The following GFOD2 variants were observed in gnomAD, a reference collection of about 807,000 sequenced individuals.
The protein encoded by GFOD2 is glucose-fructose oxidoreductase domain-containing protein 2.
Under a neutral mutation model 24.6 loss-of-function variants are expected in GFOD2, and 9 were observed. The observed-to-expected ratio is 0.37, with a 90% CI of 0.22 to 0.64. GFOD2 has a LOEUF of 0.64. Among genes scored for constraint, GFOD2 ranks in the 30% least tolerant of loss-of-function variants. The pLI is 0.65. For synonymous variants in GFOD2, 211 were observed against 224.8 expected (o/e 0.94, Z 0.55); for missense variants, 476 against 532.5 (o/e 0.89, Z 1.04).
chr16:67,700,515 C>G lies in GFOD2; in HGVS notation c.-87-14713G>C, dbSNP rs990236418. Among the ~76,000 whole-genome samples, 3 of 152,178 alleles carry G rather than the reference C, an allele frequency of 2.0e-5. No individual in the cohort carries two copies. In the South Asian group the frequency reaches 6.2e-4, roughly 32 times the overall value. Reference sequence around the variant, plus strand: ...TCACCTGAGGTCAGGAGTTTGAGACCAGCCTGGCCAACATGGTGAAACCCT... The same window carrying G: ...TCACCTGAGGTCAGGAGTTTGAGACGAGCCTGGCCAACATGGTGAAACCCT... On this transcript the variant is annotated intron_variant, in intron 1 of 2. Transcript: ENST00000268797.
chr16:67,704,563 C>G (rs2053426893), intron 1 of GFOD2, among the ~76,000 whole-genome samples: 1 of 152,170 alleles, frequency 6.6e-6, no homozygotes, highest in Non-Finnish European at 1.5e-5. Flanking sequence ...AAAACCCCCA[C>G]AGCTCACATT....
chr16:67,679,909 C>A (rs902047194), intron 2 of GFOD2, among the ~76,000 whole-genome samples: 23 of 150,942 alleles, frequency 1.5e-4, no homozygotes, highest in African/African-American at 4.9e-4. Context: ...ACAACAACAA[C>A]AACAAAAAAA....
At chr16:67,703,326 C>T (rs2053417114) in intron 1 of GFOD2, among the ~76,000 whole-genome samples, 1 of 152,120 alleles carries the variant, frequency 6.6e-6, no homozygotes, top group South Asian at 2.1e-4. Context: ...TCGCTTGAAC[C>T]CAGGAAGTGG....
At chr16:67,700,073 C>CT (rs1400488132) in intron 1 of GFOD2, among the ~76,000 whole-genome samples, 1 of 150,130 alleles carries the variant, frequency 6.7e-6, no homozygotes, top group African/African-American at 2.4e-5. Context: ...ATGACCCTGC[C>CT]TCAAAAAAAT....
chr16:67,709,062 G>C lies in GFOD2; in HGVS notation c.-88+10101C>G, dbSNP rs1041546922. On this transcript the variant is annotated intron_variant, in intron 1 of 2. Transcript: ENST00000268797. ...TCACACCTGTAATCCCAGGACTTTG[G>C]GAGGCCGAGGCAAGTGGATCACTTG... Among the ~76,000 whole-genome samples the C allele has an allele frequency of 6.6e-5, 10 of 152,220 alleles. No individual in the cohort carries two copies. In the South Asian group the frequency reaches 1.7e-3, roughly 25 times the overall value.
chr16:67,713,892 C>T (rs972724037), intron 1 of GFOD2, among the ~76,000 whole-genome samples: 1 of 152,048 alleles, frequency 6.6e-6, no homozygotes, highest in East Asian at 1.9e-4. Flanking sequence ...CTGAAACTAC[C>T]CAGGAGCTGC....
At chr16:67,694,317 A>C (rs1329850915) in intron 1 of GFOD2, among the ~76,000 whole-genome samples, 1 of 151,660 alleles carries the variant, frequency 6.6e-6, no homozygotes, top group Non-Finnish European at 1.5e-5. Context: ...TTTTTTGTAG[A>C]GATGGGGTCT....
chr16:67,683,606 G>A (rs1366459626), intron 2 of GFOD2: 1 of 1,231,706 alleles, frequency 8.1e-7, no homozygotes. Flanking sequence ...AAACAATAAG[G>A]CCAAAACTTA....
chr16:67,700,872 G>GA lies in GFOD2; in HGVS notation c.-87-15071dup, dbSNP rs752539263. Reference sequence around the variant, plus strand: ...ACATGGTGAAACCCCGTTCCTACTAGAAAAAAAAAAAAAAATTAGCCAGGC... The same window carrying GA: ...ACATGGTGAAACCCCGTTCCTACTAGAAAAAAAAAAAAAAAATTAGCCAGGC... On this transcript the variant is annotated intron_variant, in intron 1 of 2. Coordinates refer to ENST00000268797, the MANE Select transcript of GFOD2 (RefSeq NM_030819.4). Among the ~76,000 whole-genome samples, 613 of 117,988 alleles carry GA rather than the reference G, an allele frequency of 5.2e-3. 5 individuals are homozygous for GA. The highest frequency in any genetic ancestry group is 0.013 in the African/African-American group (428 of 32,030). 77.4% of individuals were successfully genotyped at this position (117,988 alleles called of 152,430 possible).
chr16:67,685,804 T>TTGCAGTGTTCTCC lies in GFOD2; in HGVS notation c.-87-3_-87-2insGGAGAACACTGCA. ...AAACGTCCTGGTCAGACATGGCTCC[T>TTGCAGTGTTCTCC]AGAATAGCAAACATTACACTGGTTA... On this transcript the variant is annotated splice_region_variant and splice_polypyrimidine_tract_variant and intron_variant, in intron 1 of 2. Transcript: ENST00000268797. 1 of 1,455,144 alleles carries TTGCAGTGTTCTCC rather than the reference T, an allele frequency of 6.9e-7. No homozygotes were observed. Among genetic ancestry groups the TTGCAGTGTTCTCC allele is most frequent in the Non-Finnish European group, 9.3e-7 (1 of 1,078,030 alleles). The allele number at this position is 1,455,144 out of a possible 1,614,324, so 90.1% of individuals were successfully genotyped here.
intron 2 of GFOD2, 164 bp from the exon 3 acceptor site, chr16:67,676,217 CA>C: frequency 1.5e-6 from 1 of 670,348 alleles, no homozygotes; most frequent in South Asian, 2.0e-5. Context: ...AGGCTAGTCT[CA>C]ATCTCCTGGC....
At chr16:67,698,669 G>C (rs2053376137) in intron 1 of GFOD2, among the ~76,000 whole-genome samples, 1 of 152,170 alleles carries the variant, frequency 6.6e-6, no homozygotes, top group Admixed American at 6.6e-5. Flanking sequence ...AGTAGACACG[G>C]GGTTTCCCCA....
At chr16:67,718,720 A>G (rs2053523787) in intron 1 of GFOD2, among the ~76,000 whole-genome samples, 1 of 152,134 alleles carries the variant, frequency 6.6e-6, no homozygotes, top group African/African-American at 2.4e-5. Context: ...TTTATCCCCA[A>G]AAGTCCCATC....
chr16:67,681,853 C>T, intron 2 of GFOD2: 1 of 985,218 alleles, frequency 1.0e-6, no homozygotes, highest in Non-Finnish European at 1.2e-6. Context: ...GTTTATCTAG[C>T]TCTCCTGCCA....
At chr16:67,710,842 T>C (rs922405802) in intron 1 of GFOD2, among the ~76,000 whole-genome samples, 2 of 152,142 alleles carry the variant, frequency 1.3e-5, no homozygotes, top group Non-Finnish European at 2.9e-5. Context: ...CTGTGCTCTA[T>C]TCAGAGTTGA....
At chr16:67,683,868 T>C (rs987494147) in intron 2 of GFOD2, 1 of 1,190,600 alleles carries the variant, frequency 8.4e-7, no homozygotes, top group South Asian at 4.3e-5. Flanking sequence ...TTGGCTCCTA[T>C]TACCTCACAT....
At chr16:67,677,687 T>G (rs2053193409) in intron 2 of GFOD2, 1 of 152,306 alleles carries the variant, frequency 6.6e-6, no homozygotes, top group Admixed American at 6.5e-5. Flanking sequence ...GAAACGAGAC[T>G]GAAAGCATTA....
In GFOD2 at chr16:67,675,034, G is replaced by T; in HGVS notation, c.*121C>A. 8.7e-7 allele frequency: 1 copy of T among 1,153,898 alleles called. No individual in the cohort carries two copies. The highest frequency in any genetic ancestry group is 1.2e-6 in the Non-Finnish European group (1 of 816,320). The allele number at this position is 1,153,898 out of a possible 1,614,324, so 71.5% of individuals were successfully genotyped here. A position where few individuals can be genotyped will look rare whatever the true frequency, so the allele number is the denominator to read the frequency against. On this transcript the variant is annotated 3_prime_UTR_variant, in exon 3 of 3. Coordinates refer to ENST00000268797, the MANE Select transcript of GFOD2 (RefSeq NM_030819.4). ...GGGCGAAGTCCCAGAGCCACCTCTG[G>T]CTTCACCCAGACTCATTAAATGAAA...
chr16:67,704,010 G>C (rs1019247484), intron 1 of GFOD2, among the ~76,000 whole-genome samples: 3 of 152,190 alleles, frequency 2.0e-5, no homozygotes, highest in African/African-American at 7.2e-5. Flanking sequence ...GTTGTAGCAT[G>C]TGTCAGATTT....
Sources: gnomAD v4.1 joint callset for allele counts (sites outside exome capture counted in the v4.1 genomes callset) on GRCh38, gnomAD v4.1.1 for gene constraint, MANE v1.5 for transcripts, NCBI Gene and HGNC (gene_info 2026-07-23, HGNC 2026-07-21) for gene names.